NFATC1: variants seen among roughly 807,000 people sequenced by gnomAD.
NFATC1 encodes nuclear factor of activated T cells 1.
A neutral mutation model predicts 76.0 loss-of-function variants in NFATC1; 22 were observed. The ratio of observed to expected loss-of-function variants is 0.29; its 90% CI spans 0.21 to 0.41. The LOEUF (loss-of-function observed/expected upper bound fraction) is 0.41, where lower values mean the gene tolerates loss of function less well. Ranked by LOEUF, NFATC1 falls within the 10% of genes least tolerant of loss-of-function variation. NFATC1 has a pLI of 1.00. For missense variants in NFATC1, 1,357 were observed against 1,337.7 expected (o/e 1.01, Z -0.23); for synonymous variants, 704 against 613.1 (o/e 1.15, Z -2.19).
At chr18:79,439,970 T>C (rs2086913536) in intron 3 of NFATC1, among the ~76,000 whole-genome samples, 1 of 152,196 alleles carries the variant, frequency 6.6e-6, no homozygotes, top group Admixed American at 6.5e-5. Flanking sequence ...GGAGATTTAC[T>C]GGCACGGGGA....
chr18:79,490,951 G>A (rs1051936218), intron 9 of NFATC1, among the ~76,000 whole-genome samples: 4 of 152,224 alleles, frequency 2.6e-5, no homozygotes, highest in Admixed American at 2.6e-4. Context: ...GAATTGTAAG[G>A]TGGAACTCTG....
At chr18:79,427,346 C>T (rs2144618799) in intron 2 of NFATC1, among the ~76,000 whole-genome samples, 1 of 148,506 alleles carries the variant, frequency 6.7e-6, no homozygotes, top group Middle Eastern at 3.5e-3. Context: ...GACAGCTGGC[C>T]TTGGTGTGGC....
intron 3 of NFATC1, among the ~76,000 whole-genome samples, chr18:79,446,885 T>G (rs566743480): frequency 1.3e-5 from 2 of 152,316 alleles, no homozygotes; most frequent in African/African-American, 4.8e-5. Context: ...ACGTGATGCC[T>G]TCGTTCAGCC....
At chr18:79,498,900 A>G (rs1424772288) in intron 9 of NFATC1, among the ~76,000 whole-genome samples, 1 of 152,258 alleles carries the variant, frequency 6.6e-6, no homozygotes, top group Non-Finnish European at 1.5e-5. Context: ...ACTGTCAACC[A>G]AGAATTCTAT....
At chr18:79,496,515 C>G (rs2089890947) in intron 9 of NFATC1, 1 of 152,292 alleles carries the variant, frequency 6.6e-6, no homozygotes, top group Non-Finnish European at 1.5e-5. Flanking sequence ...GTGCTTGGCT[C>G]TCCCTGAGCT....
At chr18:79,455,728 C>G (rs2087675833) in intron 6 of NFATC1, among the ~76,000 whole-genome samples, 1 of 135,346 alleles carries the variant, frequency 7.4e-6, no homozygotes, top group Non-Finnish European at 1.6e-5. Flanking sequence ...ATGGTGGGAC[C>G]CCAGCTCGCC....
chr18:79,446,119 A>G (rs1277187805), intron 3 of NFATC1, among the ~76,000 whole-genome samples: 1 of 152,268 alleles, frequency 6.6e-6, no homozygotes, highest in Admixed American at 6.5e-5. Context: ...GTACTGTGCC[A>G]GAGGCAGAAA....
rs752956452 is a variant in NFATC1, at chr18:79,527,605, AG to A, written c.*32del. 5 of 1,608,548 alleles carry A rather than the reference AG, an allele frequency of 3.1e-6. No individual in the cohort carries two copies. Among genetic ancestry groups the A allele is most frequent in the African/African-American group, 2.7e-5 (2 of 74,796 alleles). On this transcript the variant is annotated 3_prime_UTR_variant, in exon 10 of 10. Transcript: ENST00000427363. ...GCCACATTGGAGCACTCAGTTCAGC[AG>A]GGGTATGCTGACTTCAGCAGACAAA...
intron 1 of NFATC1, among the ~76,000 whole-genome samples, chr18:79,409,271 A>G (rs183018911): frequency 9.5e-4 from 119 of 125,924 alleles, no homozygotes; most frequent in African/African-American, 3.5e-3. Flanking sequence ...CCATCCATCT[A>G]TCATCCATCC....
At chr18:79,459,881 T>C (rs559923094) in intron 6 of NFATC1, among the ~76,000 whole-genome samples, 6 of 152,274 alleles carry the variant, frequency 3.9e-5, no homozygotes, top group Non-Finnish European at 8.8e-5. Flanking sequence ...CTTCTGGGAA[T>C]CCTGTGGCAT....
chr18:79,498,895 C>A (rs904903613), intron 9 of NFATC1, among the ~76,000 whole-genome samples: 1 of 152,182 alleles, frequency 6.6e-6, no homozygotes, highest in African/African-American at 2.4e-5. Flanking sequence ...AAACCACTGT[C>A]AACCAAGAAT....
intron 9 of NFATC1, among the ~76,000 whole-genome samples, chr18:79,506,376 C>T (rs2090121630): frequency 1.3e-5 from 2 of 152,186 alleles, no homozygotes; most frequent in Admixed American, 1.3e-4. Context: ...ATCTTCCCAC[C>T]TCCGGTGACC....
At chr18:79,497,137 G>C (rs2089909020) in intron 9 of NFATC1, 1 of 152,268 alleles carries the variant, frequency 6.6e-6, no homozygotes. Flanking sequence ...ATTTCTGACT[G>C]TTTGCTAAGG....
rs552984314 is a variant in NFATC1 at position 79,410,350 on chromosome 18, T to C, written c.128-53T>C. 6.5e-6 allele frequency: 10 copies of C among 1,549,226 alleles called. No individual in the cohort carries two copies. The Admixed American group carries it at 1.7e-4, about 26-fold the overall frequency. On this transcript the variant is annotated intron_variant, in intron 1 of 9. Coordinates refer to ENST00000427363, the MANE Select transcript of NFATC1 (RefSeq NM_001278669.2). This position sits in a 1 kb window ranked among gnomAD's most constrained non-coding sequence, Gnocchi z 6.7. ...GGCCGGCCCTGAGTTCATGGGTTTC[T>C]GCTTTGTGATGCCCAGCCCCTCATG... is the stretch of plus-strand genomic sequence containing the variant.
intron 8 of NFATC1, among the ~76,000 whole-genome samples, chr18:79,478,594 A>G (rs1350441314): frequency 1.3e-5 from 2 of 149,518 alleles, no homozygotes; most frequent in East Asian, 3.9e-4. Context: ...GGGTTCTTTA[A>G]GAGGCCAGGA....
intron 2 of NFATC1, among the ~76,000 whole-genome samples, chr18:79,428,266 G>A (rs1026986359): frequency 1.2e-4 from 18 of 152,212 alleles, no homozygotes; most frequent in Non-Finnish European, 2.5e-4. Flanking sequence ...TGGTTTAGAA[G>A]TGTTTGTTTT....
At chr18:79,521,112 T>TG (rs1265171516) in intron 9 of NFATC1, among the ~76,000 whole-genome samples, 2 of 50,312 alleles carry the variant, frequency 4.0e-5, no homozygotes, top group African/African-American at 7.9e-5. Flanking sequence ...TGTGTGTGTG[T>TG]GGGGGGCGTC....
intron 8 of NFATC1, among the ~76,000 whole-genome samples, chr18:79,479,554 T>C (rs1181679063): frequency 6.6e-6 from 1 of 152,258 alleles, no homozygotes; most frequent in Non-Finnish European, 1.5e-5. Context: ...TTTAAGCTTC[T>C]TAGATGCTGG....
chr18:79,488,258 GT>G (rs1214975639), intron 9 of NFATC1, among the ~76,000 whole-genome samples: 5 of 128,052 alleles, frequency 3.9e-5, no homozygotes, highest in African/African-American at 2.6e-4. Flanking sequence ...TGGTGTGTGT[GT>G]GTTTGCGGTA....
Sources: gnomAD v4.1 joint callset for allele counts (sites outside exome capture counted in the v4.1 genomes callset) on GRCh38, gnomAD v4.1.1 for gene constraint, Gnocchi (gnomAD v3.1) non-coding constraint, MANE v1.5 for transcripts, NCBI Gene and HGNC (gene_info 2026-07-23, HGNC 2026-07-21) for gene names.